Variants in EIF2AK2 observed in about 807,000 individuals in gnomAD.
EIF2AK2 encodes eukaryotic translation initiation factor 2 alpha kinase 2.
A neutral mutation model predicts 70.5 loss-of-function variants in EIF2AK2; 40 were observed. The observed-to-expected ratio is 0.57, with a 90% CI of 0.44 to 0.74. The LOEUF (loss-of-function observed/expected upper bound fraction) is 0.74. EIF2AK2 is among the 30% of genes least tolerant of loss of function. The probability of loss-of-function intolerance (pLI) is 0.00; values close to 1 mark genes in which losing one functional copy is unlikely to be tolerated. For missense variants in EIF2AK2, 555 were observed against 644.3 expected, an observed-to-expected ratio of 0.86 and a Z score of 1.50; for synonymous variants, 198 against 220.9, an observed-to-expected ratio of 0.90 and a Z score of 0.92.
chr2:37,115,662 G>C (rs1674317356), intron 13 of EIF2AK2, among the ~76,000 whole-genome samples: 1 of 152,066 alleles, frequency 6.6e-6, no homozygotes, highest in Non-Finnish European at 1.5e-5. Flanking sequence ...ACATCCTTAA[G>C]ATCCCTTCCA....
Position 37,100,545 on chromosome 2 carries a change from T to C in EIF2AK2, c.*6728A>G, listed in dbSNP as rs540185789. Reference sequence around the variant, plus strand: ...AGTTATTTAGAATTTAAGCCAATAATGTCACCATATAACTATCAACTGTGA... The same window carrying C: ...AGTTATTTAGAATTTAAGCCAATAACGTCACCATATAACTATCAACTGTGA... On this transcript the variant is annotated 3_prime_UTR_variant, in exon 17 of 17. Transcript: ENST00000233057. The C allele has an allele frequency of 6.6e-6, 1 of 152,364 alleles. No individual in the cohort carries two copies. The highest frequency in any genetic ancestry group is 2.1e-4 in the South Asian group (1 of 4,832). The allele number at this position is 152,364 out of a possible 1,614,324, so 9.4% of individuals were successfully genotyped here. A position where few individuals can be genotyped will look rare whatever the true frequency, so the allele number is the denominator to read the frequency against.
At chr2:37,119,922 T>C (rs1674478194) in intron 13 of EIF2AK2, 37 bp downstream of exon 13, 2 of 1,114,074 alleles carry the variant, frequency 1.8e-6, no homozygotes, top group Non-Finnish European at 1.2e-6. Context: ...TACTATATTA[T>C]ATATATATCA....
intron 6 of EIF2AK2, among the ~76,000 whole-genome samples, chr2:37,139,254 G>A (rs1404461168): frequency 6.6e-6 from 1 of 150,882 alleles, no homozygotes; most frequent in African/African-American, 2.4e-5. Context: ...GGCGGAGGTT[G>A]CAGTGAGCCG....
chr2:37,121,004 A>C (rs35664277), intron 12 of EIF2AK2, among the ~76,000 whole-genome samples: 44,093 of 146,606 alleles, frequency 0.3, 8,939 homozygotes, highest in Middle Eastern at 0.41. Context: ...TGGCTCACGC[A>C]TGTAATCCCA....
chr2:37,114,720 A>G lies in EIF2AK2; in HGVS notation c.1377+11T>C. 6.5e-7 allele frequency: 1 copy of G among 1,538,464 alleles called. No homozygotes were observed. ...GAAGTAAAATATAGACAGACAGGAA[A>G]GAGACCTTACCTGTTCTGGGCTCAT... On this transcript the variant is annotated intron_variant, in intron 14 of 16. Coordinates refer to ENST00000233057, the MANE Select transcript of EIF2AK2 (RefSeq NM_001135651.3).
intron 14 of EIF2AK2, 84 bp from the exon 15 acceptor site, chr2:37,109,379 CA>C: frequency 1.8e-6 from 2 of 1,132,040 alleles, no homozygotes; most frequent in Middle Eastern, 2.1e-4. Context: ...GTTATTTGAC[CA>C]AAACATCTTA....
intron 1 of EIF2AK2, among the ~76,000 whole-genome samples, chr2:37,155,740 C>T (rs536727025): frequency 3.3e-5 from 5 of 152,178 alleles, no homozygotes; most frequent in Admixed American, 6.5e-5. Context: ...CAGCAGACTA[C>T]ATACAGCCTG....
chr2:37,120,928 T>C (rs1192956720), intron 12 of EIF2AK2, among the ~76,000 whole-genome samples: 1 of 143,612 alleles, frequency 7.0e-6, no homozygotes, highest in Non-Finnish European at 1.5e-5. Context: ...CACGCCATTG[T>C]GCTCCCGCAT....
At chr2:37,139,919 T>G (rs984974853) in intron 5 of EIF2AK2, among the ~76,000 whole-genome samples, 162 bp from the exon 6 acceptor site, 2 of 152,232 alleles carry the variant, frequency 1.3e-5, no homozygotes. Context: ...CTCAGTAACA[T>G]GCCTGACCAA....
At chr2:37,152,455 A>G (rs978962635) in intron 1 of EIF2AK2, among the ~76,000 whole-genome samples, 2 of 151,944 alleles carry the variant, frequency 1.3e-5, no homozygotes, top group Non-Finnish European at 2.9e-5. Context: ...ACGCCCAGCT[A>G]ATTTTTGTAT....
chr2:37,156,425 C>A (rs1457631887), intron 1 of EIF2AK2, among the ~76,000 whole-genome samples: 1 of 152,032 alleles, frequency 6.6e-6, no homozygotes. Context: ...GGTGAGGATA[C>A]GGAGTGGGAA....
In EIF2AK2 at chr2:37,138,358, GA is replaced by G; in HGVS notation, c.598del (p.Ser200LeufsTer16). The G allele has an allele frequency of 6.2e-7, 1 of 1,613,250 alleles. No individual in the cohort carries two copies. Among genetic ancestry groups the G allele is most frequent in the Non-Finnish European group, 8.5e-7 (1 of 1,179,628 alleles). On this transcript the variant is annotated frameshift_variant, in exon 8 of 17. Coordinates refer to ENST00000233057, the MANE Select transcript of EIF2AK2 (RefSeq NM_001135651.3). LOFTEE classifies it high-confidence loss of function. ...SNSLVTSTLA[S>X]ESSSEGDFSA... Reference sequence around the variant, plus strand: ...GAAGTCACCTTCAGATGATGATTCAGAAGCGCTAGAAGAAAAGGGTGTAACT... The same window carrying G: ...GAAGTCACCTTCAGATGATGATTCAGAGCGCTAGAAGAAAAGGGTGTAACT...
In EIF2AK2 at chr2:37,126,967, G is replaced by GAAAAAAAAAAAAAAAAAAAAAAA. The variant is rs57802509; in HGVS notation, c.786-579_786-557dup. Among the ~76,000 whole-genome samples, 9 of 52,156 alleles carry GAAAAAAAAAAAAAAAAAAAAAAA rather than the reference G, an allele frequency of 1.7e-4. 1 individual carries two copies. The highest frequency in any genetic ancestry group is 2.7e-4 in the Admixed American group (1 of 3,670). 34.2% of individuals were successfully genotyped at this position (52,156 alleles called of 152,430 possible). A position where few individuals can be genotyped will look rare whatever the true frequency, so the allele number is the denominator to read the frequency against. On this transcript the variant is annotated intron_variant, in intron 10 of 16. Coordinates refer to ENST00000233057, the MANE Select transcript of EIF2AK2 (RefSeq NM_001135651.3). Reference sequence around the variant, plus strand: ...AATGAAACTCCATCTCAAAAAAACAGAAAAAAAAAAAAAAAAAAAAAAAAA... The same window carrying GAAAAAAAAAAAAAAAAAAAAAAA: ...AATGAAACTCCATCTCAAAAAAACAGAAAAAAAAAAAAAAAAAAAAAAAAAAAAAAAAAAAAAAAAAAAAAAAA...
At chr2:37,116,734 C>G (rs1674355003) in intron 13 of EIF2AK2, among the ~76,000 whole-genome samples, 2 of 152,150 alleles carry the variant, frequency 1.3e-5, no homozygotes, top group Non-Finnish European at 2.9e-5. Flanking sequence ...GAAAACATTC[C>G]TATGCTATGT....
At chr2:37,134,287 C>T (rs550102455) in intron 10 of EIF2AK2, among the ~76,000 whole-genome samples, 1 of 152,300 alleles carries the variant, frequency 6.6e-6, no homozygotes, top group East Asian at 1.9e-4. Context: ...TTGAAGGGCC[C>T]ATAATTAAAC....
In EIF2AK2 at chr2:37,109,137, C is replaced by T; in HGVS notation, c.1479+57G>A. On this transcript the variant is annotated intron_variant, in intron 15 of 16. Transcript: ENST00000233057. ...GGCAAGAACTGTCTGCAGCAGCACT[C>T]TGAAGGTGGTAGTCAGTAATTTTTC... 6 of 1,522,718 alleles carry T rather than the reference C, an allele frequency of 3.9e-6. No homozygotes were observed. In the South Asian group the frequency reaches 6.9e-5, roughly 17 times the overall value. The allele number at this position is 1,522,718 out of a possible 1,614,324, so 94.3% of individuals were successfully genotyped here.
rs1674479610 is a variant in EIF2AK2, at chr2:37,119,971, A to G, written c.1236T>C (p.His412=). 2 of 1,448,662 alleles carry G rather than the reference A, an allele frequency of 1.4e-6. No individual in the cohort carries two copies. Among genetic ancestry groups the G allele is most frequent in the Non-Finnish European group, 1.8e-6 (2 of 1,089,692 alleles). The allele number at this position is 1,448,662 out of a possible 1,614,324, so 89.7% of individuals were successfully genotyped here. Residue 412 remains histidine, a synonymous_variant, in exon 13 of 17, where the codon CAT becomes CAC. Coordinates refer to ENST00000233057, the MANE Select transcript of EIF2AK2 (RefSeq NM_001135651.3). ...ATTTTCCACTTACCTTAAGATCTCT[A>G]TGAATTAATTTTTTTGAATGTATAT... ...VDYIHSKKLI[H]RDLKPSNIFL...
In EIF2AK2 at chr2:37,100,692, T is replaced by G. The variant is rs1430832404; in HGVS notation, c.*6581A>C. On this transcript the variant is annotated 3_prime_UTR_variant, in exon 17 of 17. Transcript: ENST00000233057. ...TAGAGAGAAAGAGTTAACATTTCAGTGGAGACCTTTCCTATCTTGTATTTC... is the reference window on the plus strand; with the variant it reads ...TAGAGAGAAAGAGTTAACATTTCAGGGGAGACCTTTCCTATCTTGTATTTC... 6.6e-6 allele frequency: 1 copy of G among 152,228 alleles called. No individual in the cohort carries two copies. The highest frequency in any genetic ancestry group is 1.5e-5 in the Non-Finnish European group (1 of 68,044). The allele number at this position is 152,228 out of a possible 1,614,324, so 9.4% of individuals were successfully genotyped here. A position where few individuals can be genotyped will look rare whatever the true frequency, so the allele number is the denominator to read the frequency against.
intron 10 of EIF2AK2, 139 bp from the exon 11 acceptor site, chr2:37,126,550 A>G (rs1573014464): frequency 7.6e-7 from 1 of 1,322,856 alleles, no homozygotes; most frequent in East Asian, 2.6e-5. Flanking sequence ...AATAAGAAAG[A>G]TCCACTTGGC....
Sources: allele counts gnomAD v4.1 joint callset (sites outside exome capture counted in the v4.1 genomes callset), GRCh38; gene constraint gnomAD v4.1.1; transcripts MANE v1.5; gene names NCBI Gene and HGNC (gene_info 2026-07-23, HGNC 2026-07-21).